ADGRD1: variants seen among roughly 807,000 people sequenced by gnomAD.
ADGRD1 encodes G-protein coupled receptor 133.
ADGRD1 carries 77 observed loss-of-function variants against 113.4 expected under a neutral mutation model. The ratio of observed to expected loss-of-function variants is 0.68; its 90% CI spans 0.57 to 0.82. The LOEUF is 0.82. Ranked by LOEUF, ADGRD1 falls within the 40% of genes least tolerant of loss-of-function variation. ADGRD1 has a pLI of 0.00. For synonymous variants in ADGRD1, 474 were observed against 475.0 expected, an observed-to-expected ratio of 1.00 and a Z score of 0.03; for missense variants, 1,036 against 1,139.1, an observed-to-expected ratio of 0.91 and a Z score of 1.30.
rs150535093 is a variant in ADGRD1, at chr12:130,982,892, G to C, written c.490+829G>C. Reference sequence around the variant, plus strand: ...ATGGAGTGGGGGCCAAGTCAGGACTGGAGCCCAACAAGGGAAGGGCAGAGG... The same window carrying C: ...ATGGAGTGGGGGCCAAGTCAGGACTCGAGCCCAACAAGGGAAGGGCAGAGG... On this transcript the variant is annotated intron_variant, in intron 5 of 24. Coordinates refer to ENST00000261654, the MANE Select transcript of ADGRD1 (RefSeq NM_198827.5). Among the ~76,000 whole-genome samples the C allele has an allele frequency of 8.4e-3, 1,272 of 152,292 alleles. 15 individuals are homozygous for C. Among genetic ancestry groups the C allele is most frequent in the African/African-American group, 0.026 (1,088 of 41,544 alleles).
intron 24 of ADGRD1, 135 bp from the exon 25 acceptor site, chr12:131,139,033 C>T (rs1285106150): frequency 1.1e-5 from 7 of 647,592 alleles, no homozygotes; most frequent in Non-Finnish European, 1.9e-5. Context: ...ATGGGGGCTC[C>T]CTTCTCTCTG....
rs1247574128 is a variant in ADGRD1 at position 131,041,060 on chromosome 12, T to A, written c.1473+26720T>A. 6.6e-6 allele frequency among the ~76,000 whole-genome samples: 1 copy of A among 152,188 alleles called. No homozygotes were observed. Among genetic ancestry groups the A allele is most frequent in the African/African-American group, 2.4e-5 (1 of 41,444 alleles). ...GGATGGTCCCTGGGGACATCTGAGTTGTGACCTGTGGTGATGATGCCACCA... is the reference window on the plus strand; with the variant it reads ...GGATGGTCCCTGGGGACATCTGAGTAGTGACCTGTGGTGATGATGCCACCA... On this transcript the variant is annotated intron_variant, in intron 13 of 24. Transcript: ENST00000261654. This position sits in a 1 kb window ranked among gnomAD's most constrained non-coding sequence, Gnocchi z 4.4.
chr12:131,091,357 A>G (rs572096663), intron 15 of ADGRD1, among the ~76,000 whole-genome samples: 1 of 152,360 alleles, frequency 6.6e-6, no homozygotes, highest in African/African-American at 2.4e-5. Context: ...CAGAAGCATG[A>G]ATAAACATAA....
At chr12:131,010,274 G>T (rs183978640) in intron 12 of ADGRD1, among the ~76,000 whole-genome samples, 222 of 152,314 alleles carry the variant, frequency 1.5e-3, no homozygotes, top group African/African-American at 4.7e-3. Flanking sequence ...GAGGGAAGGT[G>T]ACAAGCAGTG....
intron 14 of ADGRD1, among the ~76,000 whole-genome samples, chr12:131,080,821 C>T (rs1022493392): frequency 7.4e-4 from 113 of 151,816 alleles, no homozygotes; most frequent in African/African-American, 2.6e-3. Flanking sequence ...GGGGTTTCAC[C>T]GTGTTAGCCA....
chr12:131,134,180 C>T (rs775271597), intron 21 of ADGRD1, among the ~76,000 whole-genome samples: 1 of 152,228 alleles, frequency 6.6e-6, no homozygotes, highest in African/African-American at 2.4e-5. Flanking sequence ...AGTGCACCCA[C>T]GAGCAGGTGG....
chr12:131,074,645 G>C (rs1885440411), intron 13 of ADGRD1, among the ~76,000 whole-genome samples: 1 of 152,142 alleles, frequency 6.6e-6, no homozygotes, highest in South Asian at 2.1e-4. Flanking sequence ...TCACACCCCT[G>C]GGAGCCCGGG....
At chr12:131,117,544 TCTC>T (rs1205882759) in intron 18 of ADGRD1, among the ~76,000 whole-genome samples, 1 of 152,194 alleles carries the variant, frequency 6.6e-6, no homozygotes, top group Non-Finnish European at 1.5e-5. Flanking sequence ...GAGAGTTTCT[TCTC>T]AGCAGTTTCG....
intron 13 of ADGRD1, among the ~76,000 whole-genome samples, chr12:131,021,001 T>C (rs1879250540): frequency 6.6e-6 from 1 of 152,242 alleles, no homozygotes; most frequent in Non-Finnish European, 1.5e-5. Flanking sequence ...AAAGAAACCC[T>C]ATGTGTGGGT....
At position 131,139,256 on chromosome 12, in the gene ADGRD1, C is replaced by T; in HGVS notation, c.2618C>T (p.Ala873Val). ...TCTGCCCACCGCGTCGACCTGTCAG[C>T]CGTGTGAGCCGGGAGGCTGCCAACC... ...SHSAHRVDLS[A>V]V is the part of the protein sequence containing the mutation. Residue 873 changes from alanine to valine, a missense_variant, in exon 25 of 25, where the codon GCC becomes GTC. Transcript: ENST00000261654. 2.5e-6 allele frequency: 4 copies of T among 1,611,012 alleles called. No homozygotes were observed. Among genetic ancestry groups the T allele is most frequent in the Middle Eastern group, 1.7e-4 (1 of 6,056 alleles).
intron 21 of ADGRD1, among the ~76,000 whole-genome samples, chr12:131,135,035 G>A (rs1951040113): frequency 6.6e-6 from 1 of 152,218 alleles, no homozygotes; most frequent in Non-Finnish European, 1.5e-5. Context: ...TTTCTCTAAA[G>A]CTCAAAGGCA....
intron 13 of ADGRD1, among the ~76,000 whole-genome samples, chr12:131,052,006 G>C (rs1438878517): frequency 6.6e-6 from 1 of 152,178 alleles, no homozygotes; most frequent in East Asian, 1.9e-4. Flanking sequence ...CTTATGTTGA[G>C]ATCTCCTCCT....
chr12:131,082,202 T>G (rs1379709927), intron 14 of ADGRD1, among the ~76,000 whole-genome samples: 1 of 152,214 alleles, frequency 6.6e-6, no homozygotes, highest in Non-Finnish European at 1.5e-5. Flanking sequence ...GACACACATG[T>G]TTTTTACCGT....
intron 21 of ADGRD1, among the ~76,000 whole-genome samples, chr12:131,135,825 C>A (rs535057466): frequency 6.6e-6 from 1 of 152,218 alleles, no homozygotes; most frequent in Admixed American, 6.5e-5. Flanking sequence ...CTCTCTCCCA[C>A]CCACCAGCTG....
intron 13 of ADGRD1, among the ~76,000 whole-genome samples, chr12:131,056,440 G>A (rs752182497): frequency 9.9e-5 from 15 of 152,154 alleles, no homozygotes; most frequent in African/African-American, 2.9e-4. Flanking sequence ...GTCAAAATTC[G>A]GGGACAAGAG....
chr12:130,987,710 C>T (rs1040680762), intron 6 of ADGRD1: 1 of 309,636 alleles, frequency 3.2e-6, no homozygotes, highest in Admixed American at 4.7e-5. Context: ...CTTGGAAAGC[C>T]CCGAAGATAC....
intron 17 of ADGRD1, 88 bp from the exon 18 acceptor site, chr12:131,108,635 AG>A: frequency 2.5e-6 from 4 of 1,578,506 alleles, no homozygotes; most frequent in Non-Finnish European, 3.5e-6. Flanking sequence ...AAGACCACCC[AG>A]GACATGGATA....
chr12:130,979,815 TCTCACACA>T (rs1446702645), intron 4 of ADGRD1, among the ~76,000 whole-genome samples: 7,792 of 139,306 alleles, frequency 0.056, 233 homozygotes, highest in Admixed American at 0.073. Flanking sequence ...GCAGCTAGTG[TCTCACACA>T]CACACACACA....
chr12:131,098,125 TG>T (rs1887426581), intron 15 of ADGRD1, among the ~76,000 whole-genome samples: 1 of 21,844 alleles, frequency 4.6e-5, no homozygotes, highest in East Asian at 0.042. Flanking sequence ...CCTCTCCCAC[TG>T]TCCTCCCGCG....
Sources: allele counts gnomAD v4.1 joint callset (sites outside exome capture counted in the v4.1 genomes callset), GRCh38; gene constraint gnomAD v4.1.1; non-coding constraint Gnocchi (gnomAD v3.1); transcripts MANE v1.5; gene names NCBI Gene and HGNC (gene_info 2026-07-23, HGNC 2026-07-21).